The following NAA11 variants were observed in gnomAD, a reference collection of about 807,000 sequenced individuals.
NAA11 encodes N-alpha-acetyltransferase 11, NatA catalytic subunit.
Under a neutral mutation model 16.1 loss-of-function variants are expected in NAA11, and 15 were observed. The ratio of observed to expected loss-of-function variants is 0.93; its 90% CI spans 0.62 to 1.44. NAA11 has a LOEUF of 1.44. Ranked by LOEUF, NAA11 falls within the 40% of genes most tolerant of loss-of-function variation. The pLI, the probability that NAA11 is intolerant of heterozygous loss-of-function variation, is 0.00. For missense variants in NAA11, 298 were observed against 291.3 expected (o/e 1.02, Z -0.17); for synonymous variants, 122 against 112.4 (o/e 1.09, Z -0.54).
intron 2 of NAA11, among the ~76,000 whole-genome samples, chr4:79,240,259 A>C (rs537921110): frequency 6.6e-6 from 1 of 152,308 alleles, no homozygotes; most frequent in East Asian, 1.9e-4. Flanking sequence ...GGAATTAACT[A>C]ACCTTACCAC....
At chr4:79,196,974 A>G in the NAA11 span, among the ~76,000 whole-genome samples, 3 of 149,034 alleles carry the variant, frequency 2.0e-5, no homozygotes, top group Non-Finnish European at 4.5e-5. Flanking sequence ...AAAAAAAAAA[A>G]AAAAAAAAGA....
chr4:79,282,313 CA>C (rs1225893005), intron 2 of NAA11, among the ~76,000 whole-genome samples: 1 of 152,028 alleles, frequency 6.6e-6, no homozygotes, highest in East Asian at 1.9e-4. Context: ...TTAAATAGAA[CA>C]GTTACATAAT....
chr4:79,196,979 A>AAAAAAAAAAAAAAAAAAAAAAAAAG, the NAA11 span, among the ~76,000 whole-genome samples: 7 of 125,554 alleles, frequency 5.6e-5, no homozygotes, highest in African/African-American at 1.2e-4. Flanking sequence ...AAAAAAAAAA[A>AAAAAAAAAAAAAAAAAAAAAAAAAG]AAAGAAAGAA....
At chr4:79,302,115 A>G (rs898165166) in intron 1 of NAA11, among the ~76,000 whole-genome samples, 3 of 152,198 alleles carry the variant, frequency 2.0e-5, no homozygotes, top group Non-Finnish European at 4.4e-5. Flanking sequence ...TGCATACGGG[A>G]TACAAGGGCA....
At position 79,325,692 on chromosome 4, in the gene NAA11, C is replaced by G; in HGVS notation, c.186G>C (p.Glu62Asp). Residue 62 changes from glutamate (E) to aspartate (D), a missense_variant, in exon 1 of 2, where the codon GAG (glutamate) becomes GAC (aspartate). Physicochemically the swap from Glu to Asp is conservative, Grantham distance 45. Coordinates refer to ENST00000286794, the MANE Select transcript of NAA11 (RefSeq NM_032693.3). ...IVGYVLAKME[E>D]EPDDVPHGHI... ...GGCCATGCGGGACATCATCTGGTTC[C>G]TCCTCCATTTTGGCCAGAACATAGC... 2 of 1,614,194 alleles carry G rather than the reference C, an allele frequency of 1.2e-6. No individual in the cohort carries two copies.
intron 2 of NAA11, among the ~76,000 whole-genome samples, chr4:79,267,809 A>G (rs1331079938): frequency 1.3e-5 from 2 of 152,096 alleles, no homozygotes; most frequent in African/African-American, 2.4e-5. Context: ...GTGTGTCTTC[A>G]GTACTGTGGG....
chr4:79,277,181 G>T (rs1722669194), intron 2 of NAA11, among the ~76,000 whole-genome samples: 2 of 152,118 alleles, frequency 1.3e-5, no homozygotes, highest in Admixed American at 6.6e-5. Flanking sequence ...AGCAACTCAA[G>T]GGTAAATGAC....
downstream of NAA11, among the ~76,000 whole-genome samples, chr4:79,225,371 C>T (rs4975171): frequency 0.71 from 107,624 of 151,904 alleles, 40,395 homozygotes; most frequent in East Asian, 0.89. Context: ...TTTTTTTAAA[C>T]GGATGGATTA....
At chr4:79,195,654 G>C in the NAA11 span, among the ~76,000 whole-genome samples, 1 of 152,032 alleles carries the variant, frequency 6.6e-6, no homozygotes, top group Non-Finnish European at 1.5e-5. Flanking sequence ...TGGTTTGGCT[G>C]TGCCCCACCC....
chr4:79,315,492 T>A (rs1723900636), downstream of NAA11, among the ~76,000 whole-genome samples: 1 of 152,162 alleles, frequency 6.6e-6, no homozygotes, highest in African/African-American at 2.4e-5. Context: ...AAAGAAAACG[T>A]AGTGAGCTGA....
chr4:79,309,714 CTTTTTTTT>C (rs71662804), intron 1 of NAA11, among the ~76,000 whole-genome samples: 1 of 81,424 alleles, frequency 1.2e-5, no homozygotes, highest in East Asian at 3.8e-4. Context: ...TTTTTTTTTT[CTTTTTTTT>C]TTTTTTTTTT....
chr4:79,175,811 C>T, the NAA11 span, among the ~76,000 whole-genome samples: 1 of 149,370 alleles, frequency 6.7e-6, no homozygotes, highest in African/African-American at 2.5e-5. Flanking sequence ...TTTTGTTTTG[C>T]TCCTTTTTAT....
intron 2 of NAA11, among the ~76,000 whole-genome samples, chr4:79,274,305 T>C (rs1722568874): frequency 1.3e-5 from 2 of 152,032 alleles, no homozygotes; most frequent in Non-Finnish European, 2.9e-5. Context: ...TGATTACTAC[T>C]GAGCTGTGAA....
chr4:79,257,532 T>G (rs1722145818), intron 2 of NAA11, among the ~76,000 whole-genome samples: 1 of 152,190 alleles, frequency 6.6e-6, no homozygotes, highest in Non-Finnish European at 1.5e-5. Context: ...TTTGCCTATA[T>G]TCAAAATGTG....
rs189152422 is a variant in NAA11, at chr4:79,257,429, G to T, written c.*123-31159C>A. ...TTTAAAAATACTTTAATTTGCAAGA[G>T]ATTTTTTTTTAATTGTTGCTTTTAG... On this transcript the variant is annotated intron_variant and NMD_transcript_variant, in intron 2 of 2. Coordinates refer to the NAA11 transcript ENST00000511542. Among the ~76,000 whole-genome samples, 1,402 of 152,168 alleles carry T rather than the reference G, an allele frequency of 9.2e-3. 10 individuals carry two copies. Among genetic ancestry groups the T allele is most frequent in the Non-Finnish European group, 0.012 (842 of 67,988 alleles).
downstream of NAA11, among the ~76,000 whole-genome samples, chr4:79,311,730 T>C (rs917238015): frequency 5.3e-5 from 8 of 152,204 alleles, no homozygotes; most frequent in African/African-American, 1.9e-4. Context: ...GCAATGATGC[T>C]AATTAGACAC....
At chr4:79,238,885 T>G (rs903849963) in intron 2 of NAA11, among the ~76,000 whole-genome samples, 22 of 152,230 alleles carry the variant, frequency 1.4e-4, no homozygotes, top group Admixed American at 1.4e-3. Flanking sequence ...TAGACACTAA[T>G]GTCACTGCAA....
At chr4:79,267,018 A>G (rs1214792464) in intron 2 of NAA11, among the ~76,000 whole-genome samples, 1 of 152,218 alleles carries the variant, frequency 6.6e-6, no homozygotes, top group Non-Finnish European at 1.5e-5. Flanking sequence ...TTTGTATAGT[A>G]TATTTCATAG....
intron 2 of NAA11, among the ~76,000 whole-genome samples, chr4:79,238,140 T>C (rs980876065): frequency 5.9e-5 from 9 of 152,226 alleles, no homozygotes; most frequent in South Asian, 4.1e-4. Context: ...AAGCAGAATT[T>C]TAGCATTGTC....
Sources: gnomAD v4.1 joint callset for allele counts (sites outside exome capture counted in the v4.1 genomes callset) on GRCh38, gnomAD v4.1.1 for gene constraint, MANE v1.5 for transcripts, NCBI Gene and HGNC (gene_info 2026-07-23, HGNC 2026-07-21) for gene names.